Variants in ARHGEF6 observed in about 807,000 individuals in gnomAD.
ARHGEF6 encodes rho guanine nucleotide exchange factor 6.
ARHGEF6 carries 9 observed loss-of-function variants against 70.3 expected under a neutral mutation model. The observed-to-expected ratio is 0.13, with a 90% confidence interval of 0.08 to 0.22. The LOEUF (loss-of-function observed/expected upper bound fraction) is 0.22. Ranked by LOEUF, ARHGEF6 falls within the 10% of genes least tolerant of loss-of-function variation. The probability of loss-of-function intolerance (pLI) is 1.00; values close to 1 mark genes in which losing one functional copy is unlikely to be tolerated. For synonymous variants in ARHGEF6, 201 were observed against 207.8 expected (o/e 0.97, Z 0.28); for missense variants, 470 against 563.0 (o/e 0.83, Z 1.67).
chrX:136,779,439 T>C lies in ARHGEF6; in HGVS notation c.224A>G (p.Lys75Arg). The C allele has an allele frequency of 2.5e-6, 3 of 1,211,292 alleles. No homozygotes were observed. Among genetic ancestry groups the C allele is most frequent in the Non-Finnish European group, 3.4e-6 (3 of 895,106 alleles). Residue 75 changes from lysine to arginine, a missense_variant, in exon 2 of 22, where the codon AAA (lysine) becomes AGA (arginine). Physicochemically the swap from Lys to Arg is conservative, Grantham distance 26. Transcript: ENST00000250617. ...TTCCACTTGGAGGGTTGCACATCCT[T>C]TCAGGAAGTCATTGATGTTGTTGAT... Reference protein sequence around the residue: ...DCINNINDFLKGCATLQVEIF... With the variant: ...DCINNINDFLRGCATLQVEIF...
intron 6 of ARHGEF6, among the ~76,000 whole-genome samples, chrX:136,716,184 G>A (rs182644551): frequency 2.4e-3 from 274 of 112,748 alleles, no homozygotes; most frequent in African/African-American, 8.5e-3. Flanking sequence ...CAGGTGATCC[G>A]CCTGCCTTGG....
At chrX:136,684,349 C>G (rs923893459) in intron 12 of ARHGEF6, among the ~76,000 whole-genome samples, 1 of 112,432 alleles carries the variant, frequency 8.9e-6, no homozygotes, top group African/African-American at 3.2e-5. Flanking sequence ...ACTGCAGTAA[C>G]CTTCCCTGGG....
intron 6 of ARHGEF6, among the ~76,000 whole-genome samples, chrX:136,731,608 C>G (rs190284336): frequency 5.3e-5 from 6 of 112,333 alleles, no homozygotes; most frequent in African/African-American, 1.6e-4. Context: ...TAAGCCAGAG[C>G]CATGTCATTC....
intron 20 of ARHGEF6, among the ~76,000 whole-genome samples, chrX:136,670,093 ACCAAAAT>A (rs780847083): frequency 8.9e-6 from 1 of 111,795 alleles, no homozygotes; most frequent in Admixed American, 9.4e-5. Context: ...CCCCATGGAT[ACCAAAAT>A]CCACAGATGC....
chrX:136,716,899 A>G (rs924993789), intron 6 of ARHGEF6, among the ~76,000 whole-genome samples: 1 of 112,149 alleles, frequency 8.9e-6, no homozygotes, highest in Non-Finnish European at 1.9e-5. Flanking sequence ...AGAATATGTC[A>G]ATAGAAACTG....
At position 136,707,043 on chromosome X, in the gene ARHGEF6, T is replaced by C; in HGVS notation, c.924-13A>G. On this transcript the variant is annotated splice_polypyrimidine_tract_variant and intron_variant, in intron 8 of 21. Coordinates refer to ENST00000250617, the MANE Select transcript of ARHGEF6 (RefSeq NM_004840.3). The stretch of plus-strand genomic sequence containing the variant: ...GTTTTCTGGAAACCTGTAAACAAAA[T>C]GGACAAAACACAGAATGTAAAATAG... 8.3e-7 allele frequency: 1 copy of C among 1,209,793 alleles called. No homozygotes were observed. Among genetic ancestry groups the C allele is most frequent in the Non-Finnish European group, 1.1e-6 (1 of 893,862 alleles).
chrX:136,750,190 A>C (rs12388001), intron 2 of ARHGEF6, among the ~76,000 whole-genome samples: 1,380 of 112,049 alleles, frequency 0.012, 21 homozygotes, highest in African/African-American at 0.042. Flanking sequence ...AGGTAGATTA[A>C]AGTACAGACC....
At chrX:136,770,833 T>C (rs1414008964) in intron 2 of ARHGEF6, among the ~76,000 whole-genome samples, 1 of 111,469 alleles carries the variant, frequency 9.0e-6, no homozygotes, top group Non-Finnish European at 1.9e-5. Flanking sequence ...CCTGTATCTA[T>C]AAAAAATACA....
Position 136,767,088 on chromosome X carries a change from C to T in ARHGEF6, c.249+12326G>A, listed in dbSNP as rs2077322439. ...CCAAAGGGGGTCCTTCGGCACCCAC[C>T]CCCGGGCCCTCGCGCGCTCCCCTTC... On this transcript the variant is annotated intron_variant, in intron 2 of 21. Transcript: ENST00000250617. 6 of 750,884 alleles carry T rather than the reference C, an allele frequency of 8.0e-6. No individual in the cohort carries two copies. In the South Asian group the frequency reaches 2.7e-4, roughly 34 times the overall value. 61.9% of individuals were successfully genotyped at this position (750,884 alleles called of 1,213,427 possible).
intron 5 of ARHGEF6, among the ~76,000 whole-genome samples, chrX:136,734,332 C>T (rs1276948796): frequency 1.8e-5 from 2 of 111,020 alleles, no homozygotes; most frequent in Non-Finnish European, 3.8e-5. Context: ...CACTCCAGAC[C>T]CTGGAGATAT....
intron 8 of ARHGEF6, among the ~76,000 whole-genome samples, chrX:136,708,100 T>A (rs1403150392): frequency 8.9e-6 from 1 of 111,848 alleles, no homozygotes; most frequent in Admixed American, 9.5e-5. Context: ...CTTTTCCAAG[T>A]AATTTGCAAT....
At chrX:136,679,233 A>T (rs753037458) in intron 16 of ARHGEF6, among the ~76,000 whole-genome samples, 16 of 112,351 alleles carry the variant, frequency 1.4e-4, no homozygotes, top group Non-Finnish European at 2.4e-4. Flanking sequence ...ATTTGTGTAC[A>T]TTATTAACAA....
intron 20 of ARHGEF6, among the ~76,000 whole-genome samples, chrX:136,671,381 C>A (rs1603328185): frequency 8.9e-6 from 1 of 112,404 alleles, no homozygotes; most frequent in East Asian, 2.8e-4. Flanking sequence ...TTAGGCCTGA[C>A]TTCAGAAATG....
chrX:136,768,449 A>T (rs1202745444), intron 2 of ARHGEF6: 2 of 112,398 alleles, frequency 1.8e-5, no homozygotes, highest in African/African-American at 6.5e-5. Context: ...GTTCCAACTG[A>T]GCAGCTAAAT....
At chrX:136,725,662 A>G (rs1415947735) in intron 6 of ARHGEF6, among the ~76,000 whole-genome samples, 12 of 111,945 alleles carry the variant, frequency 1.1e-4, no homozygotes, top group Non-Finnish European at 1.9e-5. Flanking sequence ...GGAGTTTGCC[A>G]GGCCAAGCAA....
chrX:136,668,527 C>CTTA (rs1261612900), intron 21 of ARHGEF6, among the ~76,000 whole-genome samples: 86 of 100,551 alleles, frequency 8.6e-4, no homozygotes, highest in East Asian at 8.5e-3. Context: ...TCTTCTTCTT[C>CTTA]TTCTTCTTAT....
intron 21 of ARHGEF6, among the ~76,000 whole-genome samples, chrX:136,668,972 T>C (rs1292383006): frequency 9.0e-6 from 1 of 111,609 alleles, no homozygotes; most frequent in Non-Finnish European, 1.9e-5. Context: ...CCTGCCTCAG[T>C]TCAGGACTCT....
chrX:136,770,234 A>G (rs186204085), intron 2 of ARHGEF6, among the ~76,000 whole-genome samples: 242 of 112,770 alleles, frequency 2.1e-3, no homozygotes, highest in Non-Finnish European at 3.7e-3. Context: ...TTATCCCAGG[A>G]ATGCAAGATT....
intron 6 of ARHGEF6, among the ~76,000 whole-genome samples, chrX:136,727,503 TCCTC>T (rs200953161): frequency 1.1e-3 from 104 of 97,473 alleles, no homozygotes; most frequent in East Asian, 6.7e-3. Flanking sequence ...CTCTCTCTCT[TCCTC>T]CCTCCCTCCC....
Sources: allele counts gnomAD v4.1 joint callset (sites outside exome capture counted in the v4.1 genomes callset), GRCh38; gene constraint gnomAD v4.1.1; transcripts MANE v1.5; gene names NCBI Gene and HGNC (gene_info 2026-07-23, HGNC 2026-07-21).